The following MYO7B variants were observed in gnomAD, a reference collection of about 807,000 sequenced individuals.
The protein encoded by MYO7B is myosin VIIB, also known as unconventional myosin-VIIb.
A neutral mutation model predicts 259.7 loss-of-function variants in MYO7B; 212 were observed. The observed-to-expected ratio is 0.82, with a 90% confidence interval of 0.73 to 0.91. The LOEUF (loss-of-function observed/expected upper bound fraction) is 0.91. Among genes scored for constraint, MYO7B ranks in the 40% least tolerant of loss-of-function variants. MYO7B has a pLI of 0.00. For synonymous variants in MYO7B, 1,197 were observed against 1,166.4 expected (o/e 1.03, Z -0.54); for missense variants, 2,732 against 2,813.5 (o/e 0.97, Z 0.66).
rs1382877698 is a variant in MYO7B, at chr2:127,628,757, C to T, written c.4624+222C>T. 1.3e-5 allele frequency among the ~76,000 whole-genome samples: 2 copies of T among 152,240 alleles called. No homozygotes were observed. The highest frequency in any genetic ancestry group is 4.8e-5 in the African/African-American group (2 of 41,468). ...ATGAGGGGCTAAAGGAGGTGGTCTC[C>T]AGCCCTGCATAGGCCAGCCATGCTC... On this transcript the variant is annotated intron_variant, in intron 34 of 47. Coordinates refer to ENST00000409816, the MANE Select transcript of MYO7B (RefSeq NM_001393586.1). The surrounding 1 kb of genome is among the most constrained non-coding windows in gnomAD (Gnocchi z 4.8).
intron 41 of MYO7B, 135 bp from the exon 42 acceptor site, chr2:127,634,461 C>G (rs1409078450): frequency 2.2e-6 from 2 of 894,714 alleles, no homozygotes; most frequent in Non-Finnish European, 1.8e-6. Flanking sequence ...CAGCTCCACA[C>G]GCCAATAGCC....
At chr2:127,545,980 C>T (rs1693213648) in intron 1 of MYO7B, among the ~76,000 whole-genome samples, 1 of 152,202 alleles carries the variant, frequency 6.6e-6, no homozygotes, top group Non-Finnish European at 1.5e-5. Flanking sequence ...GGTGACTTTG[C>T]CTCCTTTGGG....
Position 127,576,808 on chromosome 2 carries a change from T to G in MYO7B, c.849+100T>G. The G allele has an allele frequency of 1.2e-6, 1 of 817,918 alleles. No individual in the cohort carries two copies. Among genetic ancestry groups the G allele is most frequent in the Non-Finnish European group, 1.9e-6 (1 of 530,802 alleles). 50.7% of individuals were successfully genotyped at this position (817,918 alleles called of 1,614,324 possible). A position where few individuals can be genotyped will look rare whatever the true frequency, so the allele number is the denominator to read the frequency against. On this transcript the variant is annotated intron_variant, in intron 8 of 47. Transcript: ENST00000409816. This position sits in a 1 kb window ranked among gnomAD's most constrained non-coding sequence, Gnocchi z 4.9. Reference sequence around the variant, plus strand: ...CGACAGCTGCAGAGAAGCCCAACGCTGGCCGGGCCCCTGAGGCGGGGCTGG... The same window carrying G: ...CGACAGCTGCAGAGAAGCCCAACGCGGGCCGGGCCCCTGAGGCGGGGCTGG...
intron 42 of MYO7B, 55 bp downstream of exon 42, chr2:127,634,738 C>A: frequency 6.9e-7 from 1 of 1,457,552 alleles, no homozygotes; most frequent in Non-Finnish European, 9.5e-7. Context: ...GTCGAGGGGG[C>A]ACTGGCGGCC....
rs1681061842 is a variant in MYO7B at position 127,625,472 on chromosome 2, C to A, written c.4152C>A (p.His1384Gln). The part of the protein sequence containing the change: ...VQELLPSCIP[H>Q]KLYRTKPPDR... Reference sequence around the variant, plus strand: ...AGCTGCTGCCCAGCTGCATCCCCCACAAGCTGTACAGGACCAAGCCCCCAG... The same window carrying A: ...AGCTGCTGCCCAGCTGCATCCCCCAAAAGCTGTACAGGACCAAGCCCCCAG... The change falls in exon 31 of 48, where the codon CAC (histidine) becomes CAA (glutamine). Residue 1384 changes from histidine to glutamine, a missense_variant. Coordinates refer to ENST00000409816, the MANE Select transcript of MYO7B (RefSeq NM_001393586.1). 6.8e-6 allele frequency: 11 copies of A among 1,612,524 alleles called. No homozygotes were observed. The highest frequency in any genetic ancestry group is 9.3e-6 in the Non-Finnish European group (11 of 1,179,710).
At chr2:127,623,569 G>A (rs1012802802) in intron 29 of MYO7B, among the ~76,000 whole-genome samples, 194 bp downstream of exon 29, 9 of 152,058 alleles carry the variant, frequency 5.9e-5, no homozygotes, top group Non-Finnish European at 7.4e-5. Flanking sequence ...CTTTCCTCCC[G>A]CACTCATATG....
intron 1 of MYO7B, among the ~76,000 whole-genome samples, chr2:127,536,170 T>A (rs1020523605): frequency 1.3e-5 from 2 of 152,092 alleles, no homozygotes; most frequent in African/African-American, 4.8e-5. Flanking sequence ...GGCCTCACTG[T>A]GGAATCATGG....
intron 3 of MYO7B, among the ~76,000 whole-genome samples, chr2:127,564,759 C>T (rs1461299720): frequency 6.6e-6 from 1 of 150,984 alleles, no homozygotes; most frequent in Non-Finnish European, 1.5e-5. Context: ...GCAGGCTTAG[C>T]CTCCAAGGAG....
In MYO7B at chr2:127,585,480, T is replaced by C. The variant is rs1395126185; in HGVS notation, c.1690+567T>C. 6.6e-6 allele frequency among the ~76,000 whole-genome samples: 1 copy of C among 152,230 alleles called. No homozygotes were observed. Among genetic ancestry groups the C allele is most frequent in the South Asian group, 2.1e-4 (1 of 4,816 alleles). ...CTGGAATGTTTATCTCGTCATCAGT[T>C]GGCGGACATTTGGGTTTTTTCCACT... On this transcript the variant is annotated intron_variant, in intron 14 of 47. Transcript: ENST00000409816. This position sits in a 1 kb window ranked among gnomAD's most constrained non-coding sequence, Gnocchi z 4.3.
chr2:127,637,482 G>A lies in MYO7B; in HGVS notation c.*65G>A. On this transcript the variant is annotated 3_prime_UTR_variant, in exon 48 of 48. Transcript: ENST00000409816. The stretch of plus-strand genomic sequence containing the variant: ...CCTCTAGCCTGGCGGCACCTTCCCA[G>A]GCCCTCTCAACCCAGGGCCTGTCCT... 2.4e-6 allele frequency: 3 copies of A among 1,260,604 alleles called. No homozygotes were observed. Among genetic ancestry groups the A allele is most frequent in the Non-Finnish European group, 3.2e-6 (3 of 927,568 alleles). 78.1% of individuals were successfully genotyped at this position (1,260,604 alleles called of 1,614,324 possible). A position where few individuals can be genotyped will look rare whatever the true frequency, so the allele number is the denominator to read the frequency against.
chr2:127,607,109 G>A lies in MYO7B; in HGVS notation c.2425-97G>A, dbSNP rs11691981. The stretch of plus-strand genomic sequence containing the variant: ...GCCCTTTGCCAAAACAAAACTAACT[G>A]TAAATCTATCTTGCACTGCCTCCTG... On this transcript the variant is annotated intron_variant, in intron 20 of 47. Transcript: ENST00000409816. This position sits in a 1 kb window ranked among gnomAD's most constrained non-coding sequence, Gnocchi z 4.4. 225,679 of 1,199,232 alleles carry A rather than the reference G, an allele frequency of 0.19. 22,667 individuals carry two copies. The highest frequency in any genetic ancestry group is 0.29 in the South Asian group (18,380 of 63,740). 74.3% of individuals were successfully genotyped at this position (1,199,232 alleles called of 1,614,324 possible). A position where few individuals can be genotyped will look rare whatever the true frequency, so the allele number is the denominator to read the frequency against.
At chr2:127,578,076 G>T (rs1678948537) in intron 8 of MYO7B, 57 bp from the exon 9 acceptor site, 2 of 1,601,384 alleles carry the variant, frequency 1.2e-6, no homozygotes, top group Middle Eastern at 3.3e-4. Context: ...GCTGGTCCCA[G>T]GAGGGAGGTG....
In MYO7B at chr2:127,576,791, G is replaced by A; in HGVS notation, c.849+83G>A. 9.8e-7 allele frequency: 1 copy of A among 1,020,256 alleles called. No homozygotes were observed. The highest frequency in any genetic ancestry group is 1.4e-6 in the Non-Finnish European group (1 of 695,658). The allele number at this position is 1,020,256 out of a possible 1,614,324, so 63.2% of individuals were successfully genotyped here. On this transcript the variant is annotated intron_variant, in intron 8 of 47. Coordinates refer to ENST00000409816, the MANE Select transcript of MYO7B (RefSeq NM_001393586.1). The surrounding 1 kb of genome is among the most constrained non-coding windows in gnomAD (Gnocchi z 4.9). ...TGCCGCTCCACCCTCCGCGACAGCTGCAGAGAAGCCCAACGCTGGCCGGGC... is the reference window on the plus strand; with the variant it reads ...TGCCGCTCCACCCTCCGCGACAGCTACAGAGAAGCCCAACGCTGGCCGGGC...
chr2:127,580,804 C>T lies in MYO7B; in HGVS notation c.1062C>T (p.Thr354=), dbSNP rs553574813. ...TGATGGAGACGCCCGCCTTTCCCAC[C>T]GTGATGAAGTTACTGGAGGTAGGGG... ...SDVMETPAFP[T]VMKLLEVQHQ... Residue 354 remains threonine, a synonymous_variant, in exon 10 of 48, where the codon ACC becomes ACT. Transcript: ENST00000409816. 15 of 1,613,298 alleles carry T rather than the reference C, an allele frequency of 9.3e-6. No homozygotes were observed. The South Asian group carries it at 9.9e-5, about 11-fold the overall frequency.
At chr2:127,582,756 T>C (rs1679155963) in intron 12 of MYO7B, among the ~76,000 whole-genome samples, 2 of 152,184 alleles carry the variant, frequency 1.3e-5, no homozygotes, top group African/African-American at 2.4e-5. Flanking sequence ...ATCAATAACA[T>C]GGATTCATCT....
At chr2:127,583,674 G>C (rs1015806805) in intron 12 of MYO7B, among the ~76,000 whole-genome samples, 7 of 152,204 alleles carry the variant, frequency 4.6e-5, no homozygotes, top group African/African-American at 1.7e-4. Context: ...GGGAACAGGG[G>C]CAGTAGGGCG....
rs1309009843 is a variant in MYO7B, at chr2:127,629,674, G to A, written c.4654G>A (p.Gly1552Arg). The A allele has an allele frequency of 5.0e-6, 8 of 1,612,372 alleles. No individual in the cohort carries two copies. Among genetic ancestry groups the A allele is most frequent in the Non-Finnish European group, 6.8e-6 (8 of 1,179,474 alleles). ...DDTTLLAFKK[G>R]DLLVLTKKQG... The stretch of plus-strand genomic sequence containing the variant: ...CACCACCCTCCTGGCCTTCAAGAAG[G>A]GGGACCTGTTGGTCCTCACAAAGAA... The change falls in exon 35 of 48, where the codon GGG (glycine) becomes AGG (arginine). Residue 1552 changes from glycine (G) to arginine (R), a missense_variant. This residue lies in a region of MYO7B where 821 missense variants were observed against 769.3 expected (regional missense o/e 1.07). Transcript: ENST00000409816.
In MYO7B at chr2:127,546,035, T is replaced by C. The variant is rs566805466; in HGVS notation, c.-24+10204T>C. Among the ~76,000 whole-genome samples the C allele has an allele frequency of 6.6e-5, 10 of 152,232 alleles. 1 individual carries two copies. The highest frequency in any genetic ancestry group is 4.1e-4 in the South Asian group (2 of 4,830). On this transcript the variant is annotated intron_variant, in intron 1 of 47. Coordinates refer to ENST00000409816, the MANE Select transcript of MYO7B (RefSeq NM_001393586.1). The surrounding 1 kb of genome is among the most constrained non-coding windows in gnomAD (Gnocchi z 4.2). ...TGTTCTTCTTGAGTGATGGCTTCCA[T>C]GCCAGGTACTCTCAGCTCTGGGGAG... is the stretch of plus-strand genomic sequence containing the variant.
At chr2:127,544,575 A>T (rs55796047) in intron 1 of MYO7B, among the ~76,000 whole-genome samples, 3 of 103,148 alleles carry the variant, frequency 2.9e-5, no homozygotes. Context: ...CGTCTGGCTA[A>T]TTTTTTTTTT....
Sources: gnomAD v4.1 joint callset for allele counts (sites outside exome capture counted in the v4.1 genomes callset) on GRCh38, gnomAD v4.1.1 for gene constraint, gnomAD v4.1.1 regional missense constraint, Gnocchi (gnomAD v3.1) non-coding constraint, MANE v1.5 for transcripts, NCBI Gene and HGNC (gene_info 2026-07-23, HGNC 2026-07-21) for gene names.